The following ITGB6 variants were observed in gnomAD, a reference collection of about 807,000 sequenced individuals.
ITGB6 encodes integrin subunit beta 6.
A neutral mutation model predicts 84.5 loss-of-function variants in ITGB6; 80 were observed. The ratio of observed to expected loss-of-function variants is 0.95; its 90% CI spans 0.79 to 1.14. The LOEUF is 1.14. ITGB6 is among the 50% of genes most tolerant of loss of function. The pLI is 0.00. For missense variants in ITGB6, 1,006 were observed against 968.0 expected (o/e 1.04, Z -0.52); for synonymous variants, 383 against 354.9 (o/e 1.08, Z -0.89).
chr2:160,155,212 C>T lies in ITGB6; in HGVS notation c.1018-13141G>A, dbSNP rs570049065. Among the ~76,000 whole-genome samples the T allele has an allele frequency of 1.5e-4, 23 of 152,192 alleles. No homozygotes were observed. The South Asian group carries it at 4.6e-3, about 30-fold the overall frequency. On this transcript the variant is annotated intron_variant, in intron 7 of 14. Transcript: ENST00000283249. The stretch of plus-strand genomic sequence containing the variant: ...TTCTCTATAGCAATGTGAGAACAGA[C>T]TAATACAGTAGTATTTTGACCATGT...
intron 4 of ITGB6, among the ~76,000 whole-genome samples, chr2:160,184,457 T>A (rs1685813410): frequency 1.3e-5 from 2 of 152,194 alleles, no homozygotes; most frequent in African/African-American, 2.4e-5. Flanking sequence ...AATCAACTAA[T>A]AACAAGTTCT....
chr2:160,168,769 G>T (rs1685096769), intron 7 of ITGB6, among the ~76,000 whole-genome samples: 1 of 152,090 alleles, frequency 6.6e-6, no homozygotes, highest in Non-Finnish European at 1.5e-5. Context: ...TCAATAGCTT[G>T]TGTCTCTGTG....
Position 160,137,446 on chromosome 2 carries a change from GC to G in ITGB6, c.1647del (p.Leu550CysfsTer102). The G allele has an allele frequency of 6.2e-7, 1 of 1,610,136 alleles. No individual in the cohort carries two copies. Among genetic ancestry groups the G allele is most frequent in the East Asian group, 2.2e-5 (1 of 44,782 alleles). On this transcript the variant is annotated frameshift_variant, in exon 10 of 15. Coordinates refer to ENST00000283249, the MANE Select transcript of ITGB6 (RefSeq NM_000888.5). LOFTEE classifies it high-confidence loss of function. ...CDNFSCVRHKGLLCGGNGDCD... is the reference protein window; with the variant it reads ...CDNFSCVRHKXLLCGGNGDCD... ...CAACATAGCCTACCTCCGCAGAGCA[GC>G]CCTTTGTGTCTCACGCAGGAGAAAT...
At chr2:160,163,478 G>T (rs904296015) in intron 7 of ITGB6, among the ~76,000 whole-genome samples, 6 of 151,990 alleles carry the variant, frequency 3.9e-5, no homozygotes, top group African/African-American at 1.5e-4. Flanking sequence ...CTAAAAACAT[G>T]CAAATTAGCT....
chr2:160,152,507 A>T (rs1339967215), intron 7 of ITGB6, among the ~76,000 whole-genome samples: 2 of 152,186 alleles, frequency 1.3e-5, no homozygotes, highest in Admixed American at 6.5e-5. Flanking sequence ...AATGGGCAAA[A>T]ACTGGAAGCA....
At chr2:160,150,180 T>G (rs111530846) in intron 7 of ITGB6, among the ~76,000 whole-genome samples, 7 of 151,976 alleles carry the variant, frequency 4.6e-5, no homozygotes, top group Non-Finnish European at 1.0e-4. Context: ...TTGAAATGAA[T>G]GAAAAAGTGT....
chr2:160,185,673 T>A (rs1420936163), intron 4 of ITGB6, among the ~76,000 whole-genome samples: 1 of 152,204 alleles, frequency 6.6e-6, no homozygotes. Flanking sequence ...AAGACAATCC[T>A]AAGCAAAAGA....
chr2:160,172,638 G>C lies in ITGB6; in HGVS notation c.852C>G (p.Gly284=). The C allele has an allele frequency of 6.2e-7, 1 of 1,612,216 alleles. No homozygotes were observed. The highest frequency in any genetic ancestry group is 8.5e-7 in the Non-Finnish European group (1 of 1,178,396). ...SHFGMDSKLA[G]IVIPNDGLCH... ...AGAGCCCGTCATTAGGAATGACGAT[G>C]CCTGCTAGTTTGCTGTCCATTCCAA... is the stretch of plus-strand genomic sequence containing the variant. The change falls in exon 6 of 15, where the codon GGC becomes GGG. Residue 284 remains glycine, a synonymous_variant. Coordinates refer to ENST00000283249, the MANE Select transcript of ITGB6 (RefSeq NM_000888.5).
chr2:160,181,316 C>A (rs1685658859), intron 4 of ITGB6, among the ~76,000 whole-genome samples: 2 of 152,142 alleles, frequency 1.3e-5, no homozygotes, highest in Admixed American at 6.5e-5. Context: ...GGGGCATCTG[C>A]CATTACTGAG....
At position 160,145,547 on chromosome 2, in the gene ITGB6, G is replaced by C. The variant is rs146159313; in HGVS notation, c.1018-3476C>G. On this transcript the variant is annotated intron_variant, in intron 7 of 14. Coordinates refer to ENST00000283249, the MANE Select transcript of ITGB6 (RefSeq NM_000888.5). ...GAAGAGAAAGCATAAGAAACCGACA[G>C]AGAGCTATTTAGCAGGCAGATGTGA... Among the ~76,000 whole-genome samples, 779 of 152,318 alleles carry C rather than the reference G, an allele frequency of 5.1e-3. 9 individuals carry two copies. Among genetic ancestry groups the C allele is most frequent in the African/African-American group, 0.017 (704 of 41,578 alleles).
intron 7 of ITGB6, among the ~76,000 whole-genome samples, chr2:160,163,153 G>A (rs62175388): frequency 0.15 from 23,476 of 152,070 alleles, 2,428 homozygotes; most frequent in Non-Finnish European, 0.24. Flanking sequence ...CAGAATCCAA[G>A]TGTCTGTCTT....
At chr2:160,176,234 A>C (rs1478728339) in intron 4 of ITGB6, among the ~76,000 whole-genome samples, 1 of 152,100 alleles carries the variant, frequency 6.6e-6, no homozygotes, top group Non-Finnish European at 1.5e-5. Flanking sequence ...AGCTAACACA[A>C]ATTTGAAAAG....
chr2:160,142,039 T>C lies in ITGB6; in HGVS notation c.1050A>G (p.Val350=). The change falls in exon 8 of 15, where the codon GTA becomes GTG. Residue 350 remains valine (V), a synonymous_variant. Transcript: ENST00000283249. ...NYAKLIPGAT[V]GLLQKDSGNI... ...TTCCGGAGTCCTTCTGAAGTAGACC[T>C]ACTGTAGCTCCAGGAATAAGTTTTG... 1 of 1,608,306 alleles carries C rather than the reference T, an allele frequency of 6.2e-7. No homozygotes were observed. Among genetic ancestry groups the C allele is most frequent in the Non-Finnish European group, 8.5e-7 (1 of 1,176,176 alleles).
At position 160,117,742 on chromosome 2, in the gene ITGB6, G is replaced by C. The variant is rs1222844119; in HGVS notation, c.1982-5543C>G. Among the ~76,000 whole-genome samples, 14 of 152,136 alleles carry C rather than the reference G, an allele frequency of 9.2e-5. No individual in the cohort carries two copies. In the East Asian group the frequency reaches 2.7e-3, roughly 29 times the overall value. ...AATCCAGGAGCTGGTTTTTTGAAAAGATCAACAAAATCAATAGACCGCTAG... is the reference window on the plus strand; with the variant it reads ...AATCCAGGAGCTGGTTTTTTGAAAACATCAACAAAATCAATAGACCGCTAG... On this transcript the variant is annotated intron_variant, in intron 12 of 14. Coordinates refer to ENST00000283249, the MANE Select transcript of ITGB6 (RefSeq NM_000888.5).
At chr2:160,112,951 T>G (rs1174990319) in intron 12 of ITGB6, among the ~76,000 whole-genome samples, 1 of 152,196 alleles carries the variant, frequency 6.6e-6, no homozygotes, top group African/African-American at 2.4e-5. Context: ...CTACCAGAAA[T>G]TTTAGTAGTC....
intron 14 of ITGB6, among the ~76,000 whole-genome samples, chr2:160,106,536 C>G (rs570205313): frequency 2.6e-5 from 4 of 152,328 alleles, no homozygotes; most frequent in African/African-American, 7.2e-5. Context: ...CCATGCCCAG[C>G]CTTTTTCCAG....
chr2:160,153,707 T>C (rs1029862380), intron 7 of ITGB6, among the ~76,000 whole-genome samples: 2 of 151,854 alleles, frequency 1.3e-5, no homozygotes, highest in Non-Finnish European at 2.9e-5. Context: ...AGGGCTAATA[T>C]CCAGAATCTA....
intron 7 of ITGB6, among the ~76,000 whole-genome samples, chr2:160,152,428 G>T (rs1358471600): frequency 6.6e-6 from 1 of 152,110 alleles, no homozygotes; most frequent in South Asian, 2.1e-4. Flanking sequence ...CAATAAACTA[G>T]GTATTGATGG....
At chr2:160,192,236 G>T (rs1379453257) in intron 4 of ITGB6, among the ~76,000 whole-genome samples, 1 of 152,124 alleles carries the variant, frequency 6.6e-6, no homozygotes, top group Non-Finnish European at 1.5e-5. Flanking sequence ...AGCTCTGTAA[G>T]GGGGGTAGTG....
Sources: allele counts gnomAD v4.1 joint callset (sites outside exome capture counted in the v4.1 genomes callset), GRCh38; gene constraint gnomAD v4.1.1; transcripts MANE v1.5; gene names NCBI Gene and HGNC (gene_info 2026-07-23, HGNC 2026-07-21).